PHEX: variants seen among roughly 807,000 people sequenced by gnomAD.
PHEX encodes the protein phosphate regulating endopeptidase X-linked.
Under a neutral mutation model 68.0 loss-of-function variants are expected in PHEX, and 16 were observed. The observed-to-expected ratio is 0.24, with a 90% CI of 0.16 to 0.36. The LOEUF is 0.36. Among genes scored for constraint, PHEX ranks in the 10% least tolerant of loss-of-function variants. The probability of loss-of-function intolerance (pLI) is 1.00; values close to 1 mark genes in which losing one functional copy is unlikely to be tolerated. For missense variants in PHEX, 480 were observed against 575.5 expected, an observed-to-expected ratio of 0.83 and a Z score of 1.70; for synonymous variants, 208 against 205.1, an observed-to-expected ratio of 1.01 and a Z score of -0.12.
intron 3 of PHEX, among the ~76,000 whole-genome samples, chrX:22,051,626 C>T (rs1286879506): frequency 8.9e-6 from 1 of 111,934 alleles, no homozygotes. Flanking sequence ...ACAAATAGCA[C>T]AAGGAACTTC....
chrX:22,061,256 G>A (rs1018429870), intron 3 of PHEX, among the ~76,000 whole-genome samples: 27 of 111,921 alleles, frequency 2.4e-4, no homozygotes, highest in African/African-American at 7.8e-4. Flanking sequence ...TACAAAAATT[G>A]AAAAGTTGGT....
intron 3 of PHEX, among the ~76,000 whole-genome samples, chrX:22,062,432 A>G (rs1175096334): frequency 2.7e-5 from 3 of 111,376 alleles, no homozygotes; most frequent in African/African-American, 9.9e-5. Context: ...TATCTACCCC[A>G]ATATATCCAA....
At chrX:22,078,247 T>C (rs750399010) in intron 5 of PHEX, among the ~76,000 whole-genome samples, 2 of 112,231 alleles carry the variant, frequency 1.8e-5, no homozygotes, top group Non-Finnish European at 3.8e-5. Context: ...AGACTAACCA[T>C]GTCTCCCATA....
In PHEX at chrX:22,099,622, C is replaced by T. The variant is rs746246044; in HGVS notation, c.1079+471C>T. Among the ~76,000 whole-genome samples, 13 of 110,452 alleles carry T rather than the reference C, an allele frequency of 1.2e-4. No individual in the cohort carries two copies. In the South Asian group the frequency reaches 1.5e-3, roughly 13 times the overall value. Reference sequence around the variant, plus strand: ...CCTTGAGAGTGGTAGAAAAATTGCACGGATAAAACAACTTTAGGAACTGCC... The same window carrying T: ...CCTTGAGAGTGGTAGAAAAATTGCATGGATAAAACAACTTTAGGAACTGCC... On this transcript the variant is annotated intron_variant, in intron 9 of 21. Transcript: ENST00000379374.
chrX:22,220,850 C>T (rs896954851), intron 17 of PHEX, among the ~76,000 whole-genome samples: 2 of 111,984 alleles, frequency 1.8e-5, no homozygotes, highest in Non-Finnish European at 1.9e-5. Context: ...TAAATTTAAA[C>T]GATGCCTCTG....
chrX:22,115,049 C>T (rs200828468), intron 11 of PHEX, among the ~76,000 whole-genome samples: 4 of 111,621 alleles, frequency 3.6e-5, no homozygotes, highest in East Asian at 2.8e-4. Context: ...AGTATACGGC[C>T]GGGCGCAGTG....
At chrX:22,040,017 C>T (rs868849863) in intron 2 of PHEX, among the ~76,000 whole-genome samples, 1 of 111,467 alleles carries the variant, frequency 9.0e-6, no homozygotes, top group African/African-American at 3.3e-5. Flanking sequence ...GTTAGGACAC[C>T]GAAAGCGGCG....
intron 15 of PHEX, among the ~76,000 whole-genome samples, chrX:22,196,470 G>T (rs1460229585): frequency 8.9e-6 from 1 of 112,146 alleles, no homozygotes; most frequent in South Asian, 3.7e-4. Context: ...ATAAACCAAT[G>T]AACCTGGCTG....
At chrX:22,110,948 G>A (rs778565963) in intron 9 of PHEX, among the ~76,000 whole-genome samples, 52 of 111,726 alleles carry the variant, frequency 4.7e-4, no homozygotes, top group Admixed American at 3.5e-3. Context: ...TAGACACGCC[G>A]ATTAACCTAG....
At chrX:22,158,830 G>T (rs1933026043) in intron 12 of PHEX, among the ~76,000 whole-genome samples, 1 of 112,197 alleles carries the variant, frequency 8.9e-6, no homozygotes, top group South Asian at 3.7e-4. Flanking sequence ...TGGGAAGGTG[G>T]GGGTGATTTG....
chrX:22,130,682 G>A (rs1229583642), intron 11 of PHEX, among the ~76,000 whole-genome samples: 1 of 110,303 alleles, frequency 9.1e-6, no homozygotes. Context: ...GCATCTCTCA[G>A]TTGATTCCCT....
chrX:22,183,839 G>A lies in PHEX; in HGVS notation c.1586+5463G>A, dbSNP rs1002375873. On this transcript the variant is annotated intron_variant, in intron 14 of 21. Coordinates refer to ENST00000379374, the MANE Select transcript of PHEX (RefSeq NM_000444.6). ...CAGTCTAATTGTTTGATTTCAAAAT[G>A]TCATTATTCATTTAGTTGTGTAGAA... Among the ~76,000 whole-genome samples, 21 of 111,912 alleles carry A rather than the reference G, an allele frequency of 1.9e-4. No individual in the cohort carries two copies. In the Admixed American group the frequency reaches 2.0e-3, roughly 11 times the overall value.
intron 16 of PHEX, among the ~76,000 whole-genome samples, chrX:22,218,003 C>G (rs1182314049): frequency 9.1e-6 from 1 of 110,016 alleles, no homozygotes; most frequent in Non-Finnish European, 1.9e-5. Flanking sequence ...TGGCCGGGGT[C>G]GCTCAACTAG....
intron 13 of PHEX, chrX:22,172,660 T>C (rs1386753100): frequency 3.6e-5 from 4 of 111,699 alleles, no homozygotes; most frequent in African/African-American, 1.3e-4. Flanking sequence ...ACTAATTTCC[T>C]GTAGTGCCTC....
intron 12 of PHEX, among the ~76,000 whole-genome samples, chrX:22,156,493 T>C (rs1932956740): frequency 9.3e-6 from 1 of 107,633 alleles, no homozygotes; most frequent in East Asian, 3.0e-4. Flanking sequence ...AAAATAGTCC[T>C]TTGCTACAGT....
In PHEX at chrX:22,176,399, A is replaced by AT. The variant is rs1569419343; in HGVS notation, c.1483-1874_1483-1873insT. On this transcript the variant is annotated intron_variant, in intron 13 of 21. Transcript: ENST00000379374. The stretch of plus-strand genomic sequence containing the variant: ...GAGACTGTCTCAAAAAAAAAAAAAA[A>AT]AAAATATATATATATATATATATAT... Among the ~76,000 whole-genome samples, 488 of 64,555 alleles carry AT rather than the reference A, an allele frequency of 7.6e-3. 3 individuals are homozygous for AT. The highest frequency in any genetic ancestry group is 9.4e-3 in the East Asian group (30 of 3,204). 56.1% of individuals were successfully genotyped at this position (64,555 alleles called of 115,157 possible).
At chrX:22,137,662 A>T (rs1206391338) in intron 12 of PHEX, among the ~76,000 whole-genome samples, 1 of 111,021 alleles carries the variant, frequency 9.0e-6, no homozygotes, top group Non-Finnish European at 1.9e-5. Flanking sequence ...GGTCCCTGGG[A>T]ACTCATTAGA....
In PHEX at chrX:22,137,913, C is replaced by T. The variant is rs1437609246; in HGVS notation, c.1404+4289C>T. ...GGGCCCAAAGGACGGGGAATGACCA[C>T]ACCTTCCTCAGAAGTCCTCACCCAA... is the stretch of plus-strand genomic sequence containing the variant. On this transcript the variant is annotated intron_variant, in intron 12 of 21. Transcript: ENST00000379374. 2.7e-5 allele frequency among the ~76,000 whole-genome samples: 3 copies of T among 111,885 alleles called. No individual in the cohort carries two copies. In the Admixed American group the frequency reaches 2.8e-4, roughly 11 times the overall value.
At chrX:22,102,793 A>C (rs1271115346) in intron 9 of PHEX, among the ~76,000 whole-genome samples, 1 of 112,343 alleles carries the variant, frequency 8.9e-6, no homozygotes, top group African/African-American at 3.2e-5. Flanking sequence ...GTAGAGGAAA[A>C]GCATCAGATG....
Sources: gnomAD v4.1 joint callset for allele counts (sites outside exome capture counted in the v4.1 genomes callset) on GRCh38, gnomAD v4.1.1 for gene constraint, MANE v1.5 for transcripts, NCBI Gene and HGNC (gene_info 2026-07-23, HGNC 2026-07-21) for gene names.